Variants in UBXN2A observed in about 807,000 individuals in gnomAD.
The protein encoded by UBXN2A is UBX domain-containing protein 2A.
UBXN2A carries 28 observed loss-of-function variants against 28.4 expected under a neutral mutation model. The ratio of observed to expected loss-of-function variants is 0.99; its 90% CI spans 0.73 to 1.35. The LOEUF is 1.35. Among genes scored for constraint, UBXN2A ranks in the 40% most tolerant of loss-of-function variants. UBXN2A has a pLI of 0.00. For synonymous variants in UBXN2A, 97 were observed against 103.6 expected (o/e 0.94, Z 0.39); for missense variants, 253 against 297.9 (o/e 0.85, Z 1.11).
At chr2:23,953,027 T>C (rs963154852) in intron 1 of UBXN2A, among the ~76,000 whole-genome samples, 10 of 152,058 alleles carry the variant, frequency 6.6e-5, no homozygotes, top group African/African-American at 2.4e-4. Flanking sequence ...TTCATAGTCA[T>C]TAGTTTAAAT....
chr2:23,960,422 G>T (rs1309239921), intron 2 of UBXN2A, among the ~76,000 whole-genome samples: 1 of 152,020 alleles, frequency 6.6e-6, no homozygotes, highest in Non-Finnish European at 1.5e-5. Context: ...CTTAGAACAG[G>T]CCTGTTTTAA....
At chr2:23,986,159 A>G (rs571413508) in intron 6 of UBXN2A, among the ~76,000 whole-genome samples, 2 of 151,984 alleles carry the variant, frequency 1.3e-5, no homozygotes, top group South Asian at 4.2e-4. Flanking sequence ...ATACAAAAAA[A>G]ATTAGCCGGG....
At chr2:23,985,621 G>A (rs1324340461) in intron 6 of UBXN2A, among the ~76,000 whole-genome samples, 5 of 142,702 alleles carry the variant, frequency 3.5e-5, no homozygotes, top group African/African-American at 5.1e-5. Flanking sequence ...TTTTTTTGAG[G>A]CAAGGTCTCA....
upstream of UBXN2A, among the ~76,000 whole-genome samples, chr2:23,937,055 C>T (rs1310482916): frequency 3.9e-5 from 6 of 151,916 alleles, no homozygotes; most frequent in Middle Eastern, 3.2e-3. Flanking sequence ...AATAGAGTCT[C>T]GCTATGTTGC....
rs998400223 is a variant in UBXN2A, at chr2:24,000,645, C to T, written c.*778C>T. The T allele has an allele frequency of 6.6e-6, 1 of 152,154 alleles. No individual in the cohort carries two copies. The highest frequency in any genetic ancestry group is 1.5e-5 in the Non-Finnish European group (1 of 68,050). The allele number at this position is 152,154 out of a possible 1,614,324, so 9.4% of individuals were successfully genotyped here. A position where few individuals can be genotyped will look rare whatever the true frequency, so the allele number is the denominator to read the frequency against. ...TTGGGAGGCTGAGATGGGAGGATCA[C>T]TTGAAGCCAGGAGTTTAAAACCAGA... On this transcript the variant is annotated 3_prime_UTR_variant, in exon 7 of 7. Coordinates refer to ENST00000309033, the MANE Select transcript of UBXN2A (RefSeq NM_181713.4).
upstream of UBXN2A, among the ~76,000 whole-genome samples, chr2:23,938,371 C>T (rs1705597770): frequency 1.3e-5 from 2 of 151,954 alleles, no homozygotes; most frequent in Non-Finnish European, 2.9e-5. Context: ...GAGGCTGAGG[C>T]AGGAGAATCA....
At position 24,002,756 on chromosome 2, in the gene UBXN2A, G is replaced by C. The variant is rs995512563; in HGVS notation, c.*2889G>C. 21 of 152,116 alleles carry C rather than the reference G, an allele frequency of 1.4e-4. No homozygotes were observed. Among genetic ancestry groups the C allele is most frequent in the Admixed American group, 1.2e-3 (19 of 15,250 alleles). 9.4% of individuals were successfully genotyped at this position (152,116 alleles called of 1,614,324 possible). On this transcript the variant is annotated 3_prime_UTR_variant, in exon 7 of 7. Coordinates refer to ENST00000309033, the MANE Select transcript of UBXN2A (RefSeq NM_181713.4). ...AAACGATTTAGTGAGAAAAGTGGCC[G>C]GTTTTTTGGGGGGAATTACTTTCTG...
chr2:23,983,047 T>C lies in UBXN2A; in HGVS notation c.425+14T>C. ...CAGACTAGGAAGGTAAATATGCCTA[T>C]TGTCTTGTTTTGCATAGATCAAGGC... On this transcript the variant is annotated intron_variant, in intron 5 of 6. Transcript: ENST00000309033. The C allele has an allele frequency of 6.3e-7, 1 of 1,585,024 alleles. No individual in the cohort carries two copies. The highest frequency in any genetic ancestry group is 1.4e-5 in the African/African-American group (1 of 74,062).
chr2:23,977,641 C>T (rs960016437), intron 4 of UBXN2A, among the ~76,000 whole-genome samples: 2 of 152,046 alleles, frequency 1.3e-5, no homozygotes, highest in African/African-American at 4.8e-5. Flanking sequence ...AACTCCATCT[C>T]AAAACCAAAG....
At chr2:23,966,462 T>C (rs1373221984) in intron 2 of UBXN2A, among the ~76,000 whole-genome samples, 1 of 147,550 alleles carries the variant, frequency 6.8e-6, no homozygotes, top group Non-Finnish European at 1.5e-5. Context: ...TTTTCTTTTT[T>C]TTTTTTTTGA....
chr2:23,961,840 C>T (rs11125332), intron 2 of UBXN2A, among the ~76,000 whole-genome samples: 67,645 of 149,280 alleles, frequency 0.45, 16,110 homozygotes, highest in East Asian at 0.78. Context: ...ACCACCGCAC[C>T]CGGCCTTTTT....
chr2:23,980,755 G>A (rs1419850524), intron 4 of UBXN2A, among the ~76,000 whole-genome samples: 2 of 152,114 alleles, frequency 1.3e-5, no homozygotes, highest in Non-Finnish European at 2.9e-5. Flanking sequence ...AGCCTCCCAA[G>A]TAGCTGGAAT....
intron 2 of UBXN2A, among the ~76,000 whole-genome samples, chr2:23,961,867 CAG>C (rs752432940): frequency 2.9e-5 from 4 of 138,298 alleles, no homozygotes; most frequent in East Asian, 4.4e-4. Context: ...TTTTTTGAGA[CAG>C]AGTCTTGCTC....
At chr2:23,985,999 T>C (rs1206795191) in intron 6 of UBXN2A, among the ~76,000 whole-genome samples, 1 of 151,664 alleles carries the variant, frequency 6.6e-6, no homozygotes, top group African/African-American at 2.4e-5. Context: ...AAAATAAAAA[T>C]AATCATAACA....
At position 23,999,998 on chromosome 2, in the gene UBXN2A, TGAG is replaced by T; in HGVS notation, c.*132_*134del. 1 of 798,920 alleles carries T rather than the reference TGAG, an allele frequency of 1.3e-6. No individual in the cohort carries two copies. Among genetic ancestry groups the T allele is most frequent in the Non-Finnish European group, 2.0e-6 (1 of 507,062 alleles). 49.5% of individuals were successfully genotyped at this position (798,920 alleles called of 1,614,324 possible). On this transcript the variant is annotated 3_prime_UTR_variant, in exon 7 of 7. Coordinates refer to ENST00000309033, the MANE Select transcript of UBXN2A (RefSeq NM_181713.4). ...CGAGTACTATTGAACTCTCTCCTGATGAGAAGATGTTTAGATAAGTACAAGTTA... is the reference window on the plus strand; with the variant it reads ...CGAGTACTATTGAACTCTCTCCTGATAAGATGTTTAGATAAGTACAAGTTA...
Position 23,983,030 on chromosome 2 carries a change from G to T in UBXN2A, c.422G>T (p.Gly141Val), listed in dbSNP as rs776930643. The T allele has an allele frequency of 6.3e-7, 1 of 1,595,544 alleles. No individual in the cohort carries two copies. The highest frequency in any genetic ancestry group is 1.8e-5 in the Admixed American group (1 of 56,734). Reference sequence around the variant, plus strand: ...TTTTCAGGACAGGGTCACAGACTAGGAAGGTAAATATGCCTATTGTCTTGT... The same window carrying T: ...TTTTCAGGACAGGGTCACAGACTAGTAAGGTAAATATGCCTATTGTCTTGT... The part of the protein sequence containing the change: ...QPFSGQGHRL[G>V]SATPKIVSKA... The change falls in exon 5 of 7, where the codon GGA becomes GTA. Residue 141 changes from glycine (G) to valine (V), a missense_variant. Coordinates refer to ENST00000309033, the MANE Select transcript of UBXN2A (RefSeq NM_181713.4).
At position 23,940,467 on chromosome 2, in the gene UBXN2A, G is replaced by C. The variant is rs1258460442; in HGVS notation, c.-196G>C. Reference sequence around the variant, plus strand: ...GCGGAGCCGGCGTCGGCGCGCGCTTGGGCGCCTGGCGAAGACCGAGAGAGG... The same window carrying C: ...GCGGAGCCGGCGTCGGCGCGCGCTTCGGCGCCTGGCGAAGACCGAGAGAGG... On this transcript the variant is annotated 5_prime_UTR_variant, in exon 1 of 7. Coordinates refer to ENST00000309033, the MANE Select transcript of UBXN2A (RefSeq NM_181713.4). 6.6e-6 allele frequency: 1 copy of C among 151,052 alleles called. No homozygotes were observed. The highest frequency in any genetic ancestry group is 1.5e-5 in the Non-Finnish European group (1 of 67,702). The allele number at this position is 151,052 out of a possible 1,614,324, so 9.4% of individuals were successfully genotyped here.
At chr2:23,964,215 C>CT (rs1558291588) in intron 2 of UBXN2A, among the ~76,000 whole-genome samples, 3,379 of 114,614 alleles carry the variant, frequency 0.029, 137 homozygotes, top group African/African-American at 0.092. Flanking sequence ...ATTATCCAAT[C>CT]CTTTTTTTTT....
intron 2 of UBXN2A, among the ~76,000 whole-genome samples, chr2:23,967,747 G>A (rs1707234676): frequency 6.6e-6 from 1 of 152,122 alleles, no homozygotes; most frequent in African/African-American, 2.4e-5. Flanking sequence ...ACCATCTTAG[G>A]GTGTAACTAT....
Sources: allele counts gnomAD v4.1 joint callset (sites outside exome capture counted in the v4.1 genomes callset), GRCh38; gene constraint gnomAD v4.1.1; transcripts MANE v1.5; gene names NCBI Gene and HGNC (gene_info 2026-07-23, HGNC 2026-07-21).